MAF: variants seen among roughly 807,000 people sequenced by gnomAD.
The protein encoded by MAF is MAF bZIP transcription factor, also known as transcription factor Maf.
In MAF, 10 loss-of-function variants were observed where a neutral mutation model predicts 22.0. The observed-to-expected ratio is 0.45, with a 90% CI of 0.28 to 0.77. MAF has a LOEUF of 0.77. Among genes scored for constraint, MAF ranks in the 30% least tolerant of loss-of-function variants. The pLI, the probability that MAF is intolerant of heterozygous loss-of-function variation, is 0.12. For missense variants in MAF, 544 were observed against 548.4 expected (o/e 0.99, Z 0.08); for synonymous variants, 337 against 255.8 (o/e 1.32, Z -3.03).
chr16:79,534,551 C>T, the MAF span, among the ~76,000 whole-genome samples: 71 of 149,996 alleles, frequency 4.7e-4, no homozygotes, highest in African/African-American at 1.6e-3. Flanking sequence ...CTACCTTGGA[C>T]ACAGGGTGGG....
At chr16:79,313,398 C>T in the MAF span, among the ~76,000 whole-genome samples, 1 of 152,172 alleles carries the variant, frequency 6.6e-6, no homozygotes. Context: ...ACCCTCTCAA[C>T]AGTAAAAGGC....
chr16:79,429,286 G>C, the MAF span, among the ~76,000 whole-genome samples: 146 of 152,268 alleles, frequency 9.6e-4, 1 homozygote, highest in Middle Eastern at 3.4e-3. Flanking sequence ...CTGCCCATGG[G>C]TCTGCTACCT....
At chr16:79,296,663 G>C in the MAF span, among the ~76,000 whole-genome samples, 1 of 148,542 alleles carries the variant, frequency 6.7e-6, no homozygotes, top group Non-Finnish European at 1.5e-5. Flanking sequence ...CAAGTCTTTT[G>C]ACCACATTAG....
chr16:79,527,410 G>C, the MAF span, among the ~76,000 whole-genome samples: 1 of 152,204 alleles, frequency 6.6e-6, no homozygotes, highest in South Asian at 2.1e-4. Context: ...AGTCAGAAGA[G>C]CTAGAAAATA....
the MAF span, among the ~76,000 whole-genome samples, chr16:79,269,273 G>A: frequency 8.9e-4 from 135 of 152,244 alleles, no homozygotes; most frequent in African/African-American, 3.1e-3. Context: ...TGTGCTTCTC[G>A]GGCTTGGGTC....
the MAF span, among the ~76,000 whole-genome samples, chr16:79,519,964 G>C: frequency 6.6e-6 from 1 of 152,238 alleles, no homozygotes; most frequent in Non-Finnish European, 1.5e-5. Context: ...CCCTCTGGAA[G>C]GGAACTCTGT....
chr16:79,291,805 T>C, the MAF span, among the ~76,000 whole-genome samples: 2 of 147,112 alleles, frequency 1.4e-5, no homozygotes, highest in Admixed American at 1.4e-4. Flanking sequence ...AGCTAGAAAT[T>C]AGGTTTACAA....
chr16:79,445,118 C>G, the MAF span, among the ~76,000 whole-genome samples: 69 of 152,140 alleles, frequency 4.5e-4, no homozygotes, highest in Non-Finnish European at 5.0e-4. Flanking sequence ...ACTGCAAGCT[C>G]CTCCTCCTGG....
At chr16:79,214,424 G>A in the MAF span, among the ~76,000 whole-genome samples, 1 of 152,056 alleles carries the variant, frequency 6.6e-6, no homozygotes, top group South Asian at 2.1e-4. Flanking sequence ...ACTGTGCTAA[G>A]CAGGCTACAT....
the MAF span, among the ~76,000 whole-genome samples, chr16:79,270,291 CT>C: frequency 6.6e-6 from 1 of 152,062 alleles, no homozygotes; most frequent in African/African-American, 2.4e-5. Context: ...TTTTTCTTTG[CT>C]GGCTTGAGAC....
At chr16:79,252,129 G>C in the MAF span, among the ~76,000 whole-genome samples, 1 of 152,234 alleles carries the variant, frequency 6.6e-6, no homozygotes, top group Non-Finnish European at 1.5e-5. Context: ...CTGTCAGGCA[G>C]GACTGGCAAA....
At chr16:79,549,802 A>G in the MAF span, among the ~76,000 whole-genome samples, 1 of 152,172 alleles carries the variant, frequency 6.6e-6, no homozygotes, top group African/African-American at 2.4e-5. Context: ...CACCCTACAG[A>G]TTGAATCTAG....
the MAF span, among the ~76,000 whole-genome samples, chr16:79,546,254 A>G: frequency 6.6e-6 from 1 of 151,698 alleles, no homozygotes; most frequent in African/African-American, 2.4e-5. Flanking sequence ...TAATTTAAAC[A>G]CTATTGATTG....
the MAF span, among the ~76,000 whole-genome samples, chr16:79,221,760 T>C: frequency 6.8e-6 from 1 of 146,124 alleles, no homozygotes; most frequent in Non-Finnish European, 1.6e-5. Flanking sequence ...TGTGTGTGTA[T>C]GTGTGTGTGT....
the MAF span, among the ~76,000 whole-genome samples, chr16:79,547,859 T>C: frequency 6.6e-6 from 1 of 151,884 alleles, no homozygotes; most frequent in Non-Finnish European, 1.5e-5. Context: ...GTCTGCAAAC[T>C]ATCTCCTTGT....
At chr16:79,588,715 G>T (rs1323767558) in intron 1 of MAF, among the ~76,000 whole-genome samples, 2 of 152,042 alleles carry the variant, frequency 1.3e-5, no homozygotes. Flanking sequence ...GCTCACCTGG[G>T]CCTCCCACAG....
chr16:79,477,634 T>C, the MAF span, among the ~76,000 whole-genome samples: 1 of 152,230 alleles, frequency 6.6e-6, no homozygotes. Flanking sequence ...TGGTTTTCTC[T>C]TCACCTGAAT....
the MAF span, among the ~76,000 whole-genome samples, chr16:79,253,769 G>A: frequency 4.6e-5 from 7 of 152,254 alleles, no homozygotes; most frequent in South Asian, 1.5e-3. Context: ...CTTCCCGTCT[G>A]CGAGGCCTGG....
chr16:79,209,127 T>G, the MAF span, among the ~76,000 whole-genome samples: 3 of 152,178 alleles, frequency 2.0e-5, no homozygotes, highest in Non-Finnish European at 4.4e-5. Context: ...ATCAAAGCCA[T>G]CTCCTGATAA....
Sources: allele counts gnomAD v4.1 joint callset (sites outside exome capture counted in the v4.1 genomes callset), GRCh38; gene constraint gnomAD v4.1.1; transcripts MANE v1.5; gene names NCBI Gene and HGNC (gene_info 2026-07-23, HGNC 2026-07-21).